The following PIN4 variants were observed in gnomAD, a reference collection of about 807,000 sequenced individuals.
PIN4 encodes the protein peptidylprolyl cis/trans isomerase, NIMA-interacting 4.
Under a neutral mutation model 8.3 loss-of-function variants are expected in PIN4, and 3 were observed. That is an observed-to-expected ratio of 0.36 (90% CI 0.16 to 0.93). The LOEUF (loss-of-function observed/expected upper bound fraction) is 0.93. PIN4 is among the 40% of genes least tolerant of loss of function. The probability of loss-of-function intolerance (pLI) is 0.44; values close to 1 mark genes in which losing one functional copy is unlikely to be tolerated. For synonymous variants in PIN4, 18 were observed against 32.5 expected, an observed-to-expected ratio of 0.55 and a Z score of 1.52; for missense variants, 75 against 100.6, an observed-to-expected ratio of 0.75 and a Z score of 1.09.
intron 3 of PIN4, among the ~76,000 whole-genome samples, chrX:72,226,527 A>C (rs777871482): frequency 2.7e-4 from 30 of 112,365 alleles, no homozygotes; most frequent in Non-Finnish European, 5.3e-4. Context: ...GAGCGGGGCT[A>C]TGTCACGGCT....
At position 72,230,485 on chromosome X, in the gene PIN4, A is replaced by C. The variant is rs968526056; in HGVS notation, c.313-32222A>C. On this transcript the variant is annotated intron_variant, in intron 3 of 3. Coordinates refer to the PIN4 transcript ENST00000423432. ...AAACCAATATATACTCTTAGTCTGTAAGAGAAAGCACTCCTGACCAAAAAT... is the reference window on the plus strand; with the variant it reads ...AAACCAATATATACTCTTAGTCTGTCAGAGAAAGCACTCCTGACCAAAAAT... Among the ~76,000 whole-genome samples the C allele has an allele frequency of 2.7e-5, 3 of 112,229 alleles. No homozygotes were observed. The South Asian group carries it at 1.1e-3, about 41-fold the overall frequency.
intron 3 of PIN4, among the ~76,000 whole-genome samples, chrX:72,210,516 C>G (rs1021331613): frequency 2.4e-4 from 27 of 111,299 alleles, no homozygotes; most frequent in African/African-American, 8.5e-4. Flanking sequence ...AGATTATTTC[C>G]AAGTTCCTGA....
At chrX:72,212,096 GA>G (rs1389710498) in intron 3 of PIN4, among the ~76,000 whole-genome samples, 1 of 109,968 alleles carries the variant, frequency 9.1e-6, no homozygotes, top group Admixed American at 9.7e-5. Flanking sequence ...CCAACATGGT[GA>G]AACCCCGTCT....
chrX:72,205,857 C>T, intron 3 of PIN4: 2 of 1,211,766 alleles, frequency 1.7e-6, no homozygotes, highest in Non-Finnish European at 2.2e-6. Context: ...GCTCTAAAGA[C>T]TGACTGGAAA....
intron 3 of PIN4, among the ~76,000 whole-genome samples, chrX:72,226,130 C>T (rs991546436): frequency 5.4e-5 from 6 of 111,854 alleles, no homozygotes; most frequent in African/African-American, 2.0e-4. Flanking sequence ...GATGCTCCCC[C>T]CTTAATCCTG....
rs1240283680 is a variant in PIN4 at position 72,191,877 on chromosome X, G to GT, written c.118-4898dup. 2.1e-4 allele frequency among the ~76,000 whole-genome samples: 22 copies of GT among 106,549 alleles called. No homozygotes were observed. In the East Asian group the frequency reaches 2.7e-3, roughly 13 times the overall value. The allele number at this position is 106,549 out of a possible 115,157, so 92.5% of individuals were successfully genotyped here. On this transcript the variant is annotated intron_variant, in intron 2 of 3. Coordinates refer to ENST00000373669, the MANE Select transcript of PIN4 (RefSeq NM_006223.4). Reference sequence around the variant, plus strand: ...CTCTTTTTTGTTCTGTCTTCAACCGGTTTTTTTTTTCCTAGGTCTTTCCCT... The same window carrying GT: ...CTCTTTTTTGTTCTGTCTTCAACCGGTTTTTTTTTTTCCTAGGTCTTTCCCT...
chrX:72,187,998 C>T (rs1200413166), intron 2 of PIN4, among the ~76,000 whole-genome samples: 1 of 105,407 alleles, frequency 9.5e-6, no homozygotes, highest in Non-Finnish European at 1.9e-5. Context: ...CTCTTCTATT[C>T]AATGAACCTA....
downstream of PIN4, among the ~76,000 whole-genome samples, chrX:72,200,003 T>C (rs1602432674): frequency 2.7e-5 from 3 of 110,825 alleles, no homozygotes; most frequent in African/African-American, 9.8e-5. Context: ...CTGTCTCTAC[T>C]AAAAATACAA....
intron 3 of PIN4, chrX:72,262,647 A>G: frequency 2.5e-6 from 2 of 803,034 alleles, no homozygotes; most frequent in Non-Finnish European, 3.6e-6. Context: ...TTTATACAGC[A>G]TTATCTCTAG....
chrX:72,240,606 C>A (rs1251593926), intron 3 of PIN4, among the ~76,000 whole-genome samples: 5 of 110,381 alleles, frequency 4.5e-5, no homozygotes, highest in Non-Finnish European at 9.5e-5. Flanking sequence ...GTCAGGAGTT[C>A]AAGACCAGCC....
rs188658962 is a variant in PIN4, at chrX:72,186,403, C to G, written c.44-58C>G. On this transcript the variant is annotated intron_variant, in intron 1 of 3. Coordinates refer to ENST00000373669, the MANE Select transcript of PIN4 (RefSeq NM_006223.4). Reference sequence around the variant, plus strand: ...ATATCCACTCCGGTTGTGTGTTGGACCTTTCTGTAAACATGGAGGTGCAGT... The same window carrying G: ...ATATCCACTCCGGTTGTGTGTTGGAGCTTTCTGTAAACATGGAGGTGCAGT... The G allele has an allele frequency of 7.6e-3, 6,076 of 794,960 alleles. 26 individuals are homozygous for G. Among genetic ancestry groups the G allele is most frequent in the Non-Finnish European group, 9.8e-3 (5,217 of 530,596 alleles). The allele number at this position is 794,960 out of a possible 1,213,427, so 65.5% of individuals were successfully genotyped here.
At chrX:72,227,719 A>G (rs957683253) in intron 3 of PIN4, among the ~76,000 whole-genome samples, 3 of 111,236 alleles carry the variant, frequency 2.7e-5, no homozygotes, top group Non-Finnish European at 5.7e-5. Flanking sequence ...CCTACCCCCA[A>G]TTCCCCCCTC....
At chrX:72,239,037 G>T in intron 3 of PIN4, 2 of 682,237 alleles carry the variant, frequency 2.9e-6, no homozygotes, top group Non-Finnish European at 4.3e-6. Context: ...TGCTCTGTGC[G>T]CCGTGGAGAG....
At chrX:72,254,926 G>T (rs993422550) in intron 3 of PIN4, among the ~76,000 whole-genome samples, 1 of 111,665 alleles carries the variant, frequency 9.0e-6, no homozygotes, top group African/African-American at 3.3e-5. Context: ...TGAGCTTGAG[G>T]TGTCTCTGTG....
rs367774178 is a variant in PIN4 at position 72,261,491 on chromosome X, T to C, written c.313-1216T>C. On this transcript the variant is annotated intron_variant, in intron 3 of 3. Transcript: ENST00000423432. ...TCGATTCTAATGTAAGGCCAGCCATTTCATAGCGAATGCGACTTTCGGTAT... is the reference window on the plus strand; with the variant it reads ...TCGATTCTAATGTAAGGCCAGCCATCTCATAGCGAATGCGACTTTCGGTAT... Among the ~76,000 whole-genome samples, 13 of 111,445 alleles carry C rather than the reference T, an allele frequency of 1.2e-4. No individual in the cohort carries two copies. The East Asian group carries it at 3.4e-3, about 29-fold the overall frequency.
rs1428388180 is a variant in PIN4 at position 72,206,464 on chromosome X, A to G, written c.312+9560A>G. On this transcript the variant is annotated intron_variant, in intron 3 of 3. Transcript: ENST00000423432. ...GACTACACTTGCCATTTTGGAACTG[A>G]TATCTTCTTCCTGAGTATGATGAGT... The G allele has an allele frequency of 7.4e-6, 9 of 1,210,969 alleles. No individual in the cohort carries two copies. Among genetic ancestry groups the G allele is most frequent in the South Asian group, 1.8e-5 (1 of 56,814 alleles).
chrX:72,210,265 T>C (rs1202107111), intron 3 of PIN4, among the ~76,000 whole-genome samples: 1 of 109,416 alleles, frequency 9.1e-6, no homozygotes, highest in Non-Finnish European at 1.9e-5. Context: ...GATATACAGA[T>C]GGGCACATGA....
intron 3 of PIN4, among the ~76,000 whole-genome samples, chrX:72,204,401 T>C (rs2042804076): frequency 2.7e-5 from 3 of 111,656 alleles, no homozygotes; most frequent in South Asian, 7.4e-4. Context: ...GCTGAAGGGG[T>C]CTAACAGAAT....
In PIN4 at chrX:72,252,768, C is replaced by T. The variant is rs1046342874; in HGVS notation, c.313-9939C>T. Among the ~76,000 whole-genome samples the T allele has an allele frequency of 5.4e-5, 6 of 111,779 alleles. No homozygotes were observed. The East Asian group carries it at 1.7e-3, about 31-fold the overall frequency. On this transcript the variant is annotated intron_variant, in intron 3 of 3. Coordinates refer to the PIN4 transcript ENST00000423432. ...CATGACCTAATCACCTATCAAAGGC[C>T]CCACCTCCTAATACCATCCCGTTTT...
Sources: gnomAD v4.1 joint callset for allele counts (sites outside exome capture counted in the v4.1 genomes callset) on GRCh38, gnomAD v4.1.1 for gene constraint, MANE v1.5 for transcripts, NCBI Gene and HGNC (gene_info 2026-07-23, HGNC 2026-07-21) for gene names.